The following PSG9 variants were observed in gnomAD, a reference collection of about 807,000 sequenced individuals.
PSG9 encodes pregnancy-specific beta-1-glycoprotein 9.
In PSG9, 49 loss-of-function variants were observed where a neutral mutation model predicts 41.9. That is an observed-to-expected ratio of 1.17 (90% CI 0.93 to 1.48). The LOEUF (loss-of-function observed/expected upper bound fraction) is 1.48, where lower values mean the gene tolerates loss of function less well. Ranked by LOEUF, PSG9 falls within the 40% of genes most tolerant of loss-of-function variation. PSG9 has a pLI of 0.00. For missense variants in PSG9, 641 were observed against 520.3 expected, an observed-to-expected ratio of 1.23 and a Z score of -2.26; for synonymous variants, 263 against 196.8, an observed-to-expected ratio of 1.34 and a Z score of -2.82.
intron 1 of PSG9, among the ~76,000 whole-genome samples, chr19:43,269,109 A>G (rs918011147): frequency 6.6e-6 from 1 of 151,634 alleles, no homozygotes; most frequent in African/African-American, 2.4e-5. Context: ...GGTTCACATG[A>G]TTCTCCCACC....
At chr19:43,265,713 G>T (rs902751061) in intron 2 of PSG9, among the ~76,000 whole-genome samples, 19 of 151,846 alleles carry the variant, frequency 1.3e-4, no homozygotes, top group East Asian at 1.9e-4. Context: ...AATTTTTTTT[G>T]TGTGTGTGTG....
chr19:43,266,672 C>G (rs1202587633), intron 2 of PSG9, among the ~76,000 whole-genome samples: 1 of 152,094 alleles, frequency 6.6e-6, no homozygotes, highest in Non-Finnish European at 1.5e-5. Flanking sequence ...ACCATTTGCT[C>G]TCACTCCTCT....
chr19:43,266,594 A>G (rs1435464871), intron 2 of PSG9, among the ~76,000 whole-genome samples: 1 of 152,010 alleles, frequency 6.6e-6, no homozygotes, highest in African/African-American at 2.4e-5. Flanking sequence ...AGGCCTGGAC[A>G]TATTTTTTGC....
In PSG9 at chr19:43,264,200, A is replaced by C. The variant is rs781110881; in HGVS notation, c.431-2062T>G. Among the ~76,000 whole-genome samples, 139 of 152,192 alleles carry C rather than the reference A, an allele frequency of 9.1e-4. 1 individual carries two copies. The highest frequency in any genetic ancestry group is 1.7e-3 in the Non-Finnish European group (113 of 67,980). On this transcript the variant is annotated intron_variant, in intron 2 of 5. Transcript: ENST00000270077. ...TGGCCACCTCCAACTGGTCCCCAAA[A>C]ACCACCAGTATTCCCATTATGTGTA...
At chr19:43,269,166 G>A (rs1969128766) in intron 1 of PSG9, among the ~76,000 whole-genome samples, 1 of 151,792 alleles carries the variant, frequency 6.6e-6, no homozygotes, top group Non-Finnish European at 1.5e-5. Flanking sequence ...CACCATACCT[G>A]GTTAATTTTT....
At chr19:43,267,324 A>T (rs1969017681) in intron 2 of PSG9, among the ~76,000 whole-genome samples, 2 of 152,098 alleles carry the variant, frequency 1.3e-5, no homozygotes, top group Admixed American at 6.5e-5. Flanking sequence ...CCTGCCCAAG[A>T]AGCCACAACC....
rs1274467753 is a variant in PSG9 at position 43,268,039 on chromosome 19, G to A, written c.175C>T (p.Pro59Ser). The A allele has an allele frequency of 6.2e-7, 1 of 1,613,756 alleles. No individual in the cohort carries two copies. The highest frequency in any genetic ancestry group is 8.5e-7 in the Non-Finnish European group (1 of 1,179,918). ...CAGAAGTAGCCAGGAAGATTCTGGG[G>A]CAAATTGTGGACAAGTAGAAGAACA... ...KDVLLLVHNL[P>S]QNLPGYFWYK... Residue 59 changes from proline to serine, a missense_variant, in exon 2 of 6, where the codon CCC becomes TCC. Transcript: ENST00000270077.
chr19:43,265,648 T>G (rs181949134), intron 2 of PSG9, among the ~76,000 whole-genome samples: 2 of 152,262 alleles, frequency 1.3e-5, no homozygotes, highest in Admixed American at 1.3e-4. Context: ...GTCCTCCTGT[T>G]TGGCAGACTT....
intron 2 of PSG9, among the ~76,000 whole-genome samples, chr19:43,263,846 C>T (rs1261796149): frequency 6.6e-6 from 1 of 152,014 alleles, no homozygotes; most frequent in African/African-American, 2.4e-5. Flanking sequence ...GCATCAATTA[C>T]ATAAAGGGAG....
At chr19:43,264,189 T>C (rs1405976936) in intron 2 of PSG9, among the ~76,000 whole-genome samples, 3 of 152,114 alleles carry the variant, frequency 2.0e-5, no homozygotes, top group Non-Finnish European at 4.4e-5. Flanking sequence ...CACCTCCAAC[T>C]GGTCCCCAAA....
chr19:43,268,043 A>G lies in PSG9; in HGVS notation c.171T>C (p.Asn57=). The stretch of plus-strand genomic sequence containing the variant: ...AGTAGCCAGGAAGATTCTGGGGCAA[A>G]TTGTGGACAAGTAGAAGAACATCCT... ...EGKDVLLLVH[N]LPQNLPGYFW... The change falls in exon 2 of 6, where the codon AAT becomes AAC. Residue 57 remains asparagine, a synonymous_variant. Transcript: ENST00000270077. 1 of 1,613,806 alleles carries G rather than the reference A, an allele frequency of 6.2e-7. No individual in the cohort carries two copies. Among genetic ancestry groups the G allele is most frequent in the Admixed American group, 1.7e-5 (1 of 59,984 alleles).
chr19:43,266,829 T>A (rs926441993), intron 2 of PSG9, among the ~76,000 whole-genome samples: 3 of 152,042 alleles, frequency 2.0e-5, no homozygotes, highest in Non-Finnish European at 4.4e-5. Context: ...CCCCTTTGTG[T>A]TTGTGTGACT....
chr19:43,262,171 G>C (rs1049524670), intron 2 of PSG9, 33 bp from the exon 3 acceptor site: 7 of 1,596,410 alleles, frequency 4.4e-6, no homozygotes, highest in Non-Finnish European at 4.3e-6. Flanking sequence ...ATTGCCCTGT[G>C]TGGCACCTTT....
intron 2 of PSG9, among the ~76,000 whole-genome samples, chr19:43,265,664 C>T (rs1239659574): frequency 6.6e-6 from 1 of 152,114 alleles, no homozygotes; most frequent in African/African-American, 2.4e-5. Context: ...GACTTGGAGT[C>T]ATTAAAATCT....
At chr19:43,265,599 A>C (rs999590393) in intron 2 of PSG9, among the ~76,000 whole-genome samples, 5 of 152,074 alleles carry the variant, frequency 3.3e-5, no homozygotes, top group South Asian at 2.1e-4. Context: ...CTAACCCCTG[A>C]TCCACTGGGG....
At position 43,267,915 on chromosome 19, in the gene PSG9, G is replaced by C. The variant is rs549173861; in HGVS notation, c.299C>G (p.Thr100Arg). 4.5e-5 allele frequency: 72 copies of C among 1,613,778 alleles called. No individual in the cohort carries two copies. The Admixed American group carries it at 1.0e-3, about 22-fold the overall frequency. ...CAGCAGGGATGCGTTGGAATATACT[G>C]TTTCTCTTCCACTGTATGCAGGCCC... is the stretch of plus-strand genomic sequence containing the variant. Reference protein sequence around the residue: ...IYGPAYSGRETVYSNASLLIQ... With the variant: ...IYGPAYSGRERVYSNASLLIQ... The change falls in exon 2 of 6, where the codon ACA becomes AGA. Residue 100 changes from threonine to arginine, a missense_variant. Coordinates refer to ENST00000270077, the MANE Select transcript of PSG9 (RefSeq NM_002784.5).
Position 43,267,781 on chromosome 19 carries a change from C to T in PSG9, c.430+3G>A, listed in dbSNP as rs1398060052. 6.2e-7 allele frequency: 1 copy of T among 1,612,338 alleles called. No homozygotes were observed. The highest frequency in any genetic ancestry group is 8.5e-7 in the Non-Finnish European group (1 of 1,179,146). ...CACCCAGGGATCATGTGGAATCACT[C>T]ACAGTATAAGGTGAAGGTGAAATGT... On this transcript the variant is annotated splice_donor_region_variant and intron_variant, in intron 2 of 5. Coordinates refer to ENST00000270077, the MANE Select transcript of PSG9 (RefSeq NM_002784.5).
At chr19:43,255,409 A>T (rs1208173177) in intron 5 of PSG9, among the ~76,000 whole-genome samples, 2 of 146,686 alleles carry the variant, frequency 1.4e-5, no homozygotes, top group Non-Finnish European at 3.0e-5. Context: ...CATCATACTC[A>T]ATGGAGAAAG....
At chr19:43,268,662 TGG>T (rs1416511561) in intron 1 of PSG9, among the ~76,000 whole-genome samples, 1 of 152,168 alleles carries the variant, frequency 6.6e-6, no homozygotes, top group Non-Finnish European at 1.5e-5. Flanking sequence ...TTTGTGATCC[TGG>T]TTGCACCCCA....
Sources: allele counts gnomAD v4.1 joint callset (sites outside exome capture counted in the v4.1 genomes callset), GRCh38; gene constraint gnomAD v4.1.1; transcripts MANE v1.5; gene names NCBI Gene and HGNC (gene_info 2026-07-23, HGNC 2026-07-21).